The following CDC25B variants were observed in gnomAD, a reference collection of about 807,000 sequenced individuals.
CDC25B encodes cell division cycle 25B, also known as M-phase inducer phosphatase 2.
In CDC25B, 33 loss-of-function variants were observed where a neutral mutation model predicts 69.8. The ratio of observed to expected loss-of-function variants is 0.47; its 90% CI spans 0.36 to 0.63. The LOEUF is 0.63. CDC25B is among the 30% of genes least tolerant of loss of function. The pLI is 0.00. For missense variants in CDC25B, 727 were observed against 809.1 expected (o/e 0.90, Z 1.23); for synonymous variants, 341 against 314.6 (o/e 1.08, Z -0.89).
upstream of CDC25B, among the ~76,000 whole-genome samples, chr20:3,795,265 G>A (rs2088996367): frequency 6.6e-6 from 1 of 152,078 alleles, no homozygotes; most frequent in African/African-American, 2.4e-5. Context: ...GGAGGCTGAG[G>A]CAGAAGAATC....
chr20:3,790,682 T>C (rs951455621), intron 1 of CDC25B, among the ~76,000 whole-genome samples: 3 of 152,074 alleles, frequency 2.0e-5, no homozygotes, highest in Non-Finnish European at 4.4e-5. Flanking sequence ...TCATTTCTCC[T>C]GCTCAGCCTC....
chr20:3,792,575 C>T (rs1281295873), upstream of CDC25B, among the ~76,000 whole-genome samples: 1 of 152,224 alleles, frequency 6.6e-6, no homozygotes, highest in Non-Finnish European at 1.5e-5. Flanking sequence ...TCAAGCGATT[C>T]TCCTGCCTCA....
At chr20:3,795,367 C>CAA (rs2089000745), upstream of CDC25B, among the ~76,000 whole-genome samples, 2 of 81,720 alleles carry the variant, frequency 2.4e-5, no homozygotes, top group Admixed American at 1.2e-4. Flanking sequence ...CCAAAAAAAA[C>CAA]AAAACAAAAC....
At chr20:3,798,506 T>C (rs1176694640) in intron 3 of CDC25B, 43 bp downstream of exon 3, 3 of 1,450,706 alleles carry the variant, frequency 2.1e-6, no homozygotes, top group Non-Finnish European at 2.8e-6. Context: ...ATTCAGCACC[T>C]GTCTTTAAGA....
chr20:3,792,641 T>C (rs539410547), upstream of CDC25B, among the ~76,000 whole-genome samples: 2 of 152,320 alleles, frequency 1.3e-5, no homozygotes, highest in South Asian at 4.1e-4. Flanking sequence ...CTAATGTATG[T>C]ATTTTTAGTA....
At chr20:3,796,807 C>T in intron 1 of CDC25B, 76 bp downstream of exon 1, 1 of 1,481,832 alleles carries the variant, frequency 6.7e-7, no homozygotes, top group Non-Finnish European at 8.9e-7. Flanking sequence ...GAGAACTGGG[C>T]ATGGTAGTCG....
intron 8 of CDC25B, 26 bp from the exon 9 acceptor site, chr20:3,801,696 C>T (rs560103744): frequency 6.4e-7 from 1 of 1,558,868 alleles, no homozygotes; most frequent in African/African-American, 1.4e-5. Flanking sequence ...TGGGTTGTGA[C>T]CCTGTCCTTG....
At chr20:3,787,031 T>G (rs565330129) in exon 1 of CDC25B, 2,306 of 182,672 alleles carry the variant, frequency 0.013, 46 homozygotes, top group African/African-American at 0.059. Context: ...TTTTTGTTTG[T>G]TTTTTTTTTT....
intron 11 of CDC25B, 91 bp downstream of exon 11, chr20:3,802,467 T>G: frequency 1.2e-6 from 1 of 827,640 alleles, no homozygotes; most frequent in Admixed American, 2.2e-5. Context: ...GTTCCTCCCT[T>G]TCTCCCCGGA....
At chr20:3,790,593 G>A (rs540651743) in intron 1 of CDC25B, among the ~76,000 whole-genome samples, 74 of 151,576 alleles carry the variant, frequency 4.9e-4, no homozygotes, top group South Asian at 1.0e-3. Flanking sequence ...AGGCCGAGGC[G>A]GGTGGATCAC....
rs200667998 is a variant in CDC25B, at chr20:3,801,819, G to T, written c.921+17G>T. ...GAGGAAAAGGTGGGCCTCTGGGGTG[G>T]CCCCCTCCGAATTTGGAGGCATGGG... On this transcript the variant is annotated intron_variant, in intron 9 of 15. Transcript: ENST00000245960. 8.2e-5 allele frequency: 130 copies of T among 1,590,534 alleles called. No individual in the cohort carries two copies. In the African/African-American group the frequency reaches 1.5e-3, roughly 18 times the overall value.
rs2089412661 is a variant in CDC25B, at chr20:3,804,680, G to A, written c.1602G>A (p.Pro534=). 3 of 1,609,302 alleles carry A rather than the reference G, an allele frequency of 1.9e-6. No individual in the cohort carries two copies. The highest frequency in any genetic ancestry group is 1.3e-5 in the African/African-American group (1 of 74,762). Residue 534 remains proline (P), a splice_region_variant and synonymous_variant, in exon 15 of 16, where the codon CCG becomes CCA. Transcript: ENST00000245960. ...GGYKEFFPQH[P]NFCEPQDYRP... ...ACAAGGAGTTCTTCCCTCAGCACCC[G>A]GTAGCGTGGGTGGGGAAGGCCACAG...
At chr20:3,802,666 A>G in intron 11 of CDC25B, 1 of 603,468 alleles carries the variant, frequency 1.7e-6, no homozygotes, top group Admixed American at 2.9e-5. Flanking sequence ...GGCAGAGGGT[A>G]GGGAGCAGAG....
At chr20:3,788,836 T>C (rs1021845639) in intron 1 of CDC25B, among the ~76,000 whole-genome samples, 1 of 150,952 alleles carries the variant, frequency 6.6e-6, no homozygotes, top group Admixed American at 6.6e-5. Context: ...CCTTCTTTCT[T>C]TCTCTTTCTC....
chr20:3,796,758 T>C, intron 1 of CDC25B, 27 bp downstream of exon 1: 1 of 1,542,950 alleles, frequency 6.5e-7, no homozygotes, highest in Non-Finnish European at 8.7e-7. Context: ...AGGCTGCATA[T>C]GGGGGTGAGA....
At position 3,803,348 on chromosome 20, in the gene CDC25B, G is replaced by C. The variant is rs1046599030; in HGVS notation, c.1357-56G>C. 3.3e-5 allele frequency: 54 copies of C among 1,611,954 alleles called. 1 individual carries two copies. The Middle Eastern group carries it at 4.9e-4, about 15-fold the overall frequency. Reference sequence around the variant, plus strand: ...TAAGAGAAGGACAGCGACTGCACGGGGAGGGCCCTGACTCCTGGACCCGGG... The same window carrying C: ...TAAGAGAAGGACAGCGACTGCACGGCGAGGGCCCTGACTCCTGGACCCGGG... On this transcript the variant is annotated intron_variant, in intron 13 of 15. Transcript: ENST00000245960. This position sits in a 1 kb window ranked among gnomAD's most constrained non-coding sequence, Gnocchi z 4.9.
chr20:3,801,967 C>T lies in CDC25B; in HGVS notation c.965C>T (p.Pro322Leu), dbSNP rs375465349. ...YSKCQRLFRS[P>L]SMPCSVIRPI... ...AAGTGCCAGCGGCTCTTCCGCTCTC[C>T]GTCCATGCCCTGCAGCGTGATCCGG... The change falls in exon 10 of 16, where the codon CCG (proline) becomes CTG (leucine). Residue 322 changes from proline to leucine, a missense_variant. Pro to Leu is a moderately conservative substitution (Grantham distance 98, BLOSUM62 -3). Coordinates refer to ENST00000245960, the MANE Select transcript of CDC25B (RefSeq NM_021873.4). 8 of 1,611,950 alleles carry T rather than the reference C, an allele frequency of 5.0e-6. No homozygotes were observed. Among genetic ancestry groups the T allele is most frequent in the South Asian group, 2.2e-5 (2 of 90,596 alleles).
Position 3,796,454 on chromosome 20 carries a change from G to A in CDC25B, c.-78G>A. On this transcript the variant is annotated 5_prime_UTR_variant, in exon 1 of 16. Transcript: ENST00000245960. ...CCACCCCTCGCCCGCTGCCTCCCTC[G>A]GCCCAGCCAGCTGTGCCGGCGTTTG... The A allele has an allele frequency of 5.9e-6, 7 of 1,182,258 alleles. No homozygotes were observed. In the African/African-American group the frequency reaches 1.4e-4, roughly 24 times the overall value. The allele number at this position is 1,182,258 out of a possible 1,614,324, so 73.2% of individuals were successfully genotyped here.
chr20:3,805,026 C>G lies in CDC25B; in HGVS notation c.*65C>G. On this transcript the variant is annotated 3_prime_UTR_variant, in exon 16 of 16. Transcript: ENST00000245960. Reference sequence around the variant, plus strand: ...GGCCTGAAGCCAGCTGCCCTATGGGCCTGCCGGGCTGAGGGCCTGCTGGAG... The same window carrying G: ...GGCCTGAAGCCAGCTGCCCTATGGGGCTGCCGGGCTGAGGGCCTGCTGGAG... 1 of 1,542,636 alleles carries G rather than the reference C, an allele frequency of 6.5e-7. No individual in the cohort carries two copies. The highest frequency in any genetic ancestry group is 8.7e-7 in the Non-Finnish European group (1 of 1,143,936).
Sources: allele counts gnomAD v4.1 joint callset (sites outside exome capture counted in the v4.1 genomes callset), GRCh38; gene constraint gnomAD v4.1.1; non-coding constraint Gnocchi (gnomAD v3.1); transcripts MANE v1.5; gene names NCBI Gene and HGNC (gene_info 2026-07-23, HGNC 2026-07-21).